PRICKLE2: variants seen among roughly 807,000 people sequenced by gnomAD.
The protein encoded by PRICKLE2 is prickle-like protein 2.
Under a neutral mutation model 81.4 loss-of-function variants are expected in PRICKLE2, and 21 were observed. That is an observed-to-expected ratio of 0.26 (90% CI 0.18 to 0.37). The LOEUF (loss-of-function observed/expected upper bound fraction) is 0.37. Ranked by LOEUF, PRICKLE2 falls within the 10% of genes least tolerant of loss-of-function variation. The probability of loss-of-function intolerance (pLI) is 1.00; values close to 1 mark genes in which losing one functional copy is unlikely to be tolerated. For synonymous variants in PRICKLE2, 456 were observed against 421.5 expected (o/e 1.08, Z -1.00); for missense variants, 940 against 1,109.0 (o/e 0.85, Z 2.16).
At chr3:64,107,853 G>T (rs1419487501) in intron 7 of PRICKLE2, among the ~76,000 whole-genome samples, 2 of 152,166 alleles carry the variant, frequency 1.3e-5, no homozygotes, top group Admixed American at 6.5e-5. Flanking sequence ...TTTCTGTGCA[G>T]TAAAGGAAAT....
At chr3:64,198,740 G>T in intron 2 of PRICKLE2, 44 bp downstream of exon 2, 1 of 1,602,418 alleles carries the variant, frequency 6.2e-7, no homozygotes. Context: ...GTAAGGCAAA[G>T]TGAAACACCC....
At chr3:64,262,346 T>G (rs1475731050) in intron 2 of PRICKLE2, among the ~76,000 whole-genome samples, 3 of 151,998 alleles carry the variant, frequency 2.0e-5, no homozygotes, top group African/African-American at 7.2e-5. Context: ...TAGCTGGAGG[T>G]GCCATTTGTT....
chr3:64,234,380 T>C (rs1054816753), intron 2 of PRICKLE2, among the ~76,000 whole-genome samples: 1 of 152,218 alleles, frequency 6.6e-6, no homozygotes, highest in Non-Finnish European at 1.5e-5. Context: ...TACCTCATAG[T>C]GGTTTTTATT....
intron 1 of PRICKLE2, chr3:64,199,954 C>G (rs2078540736): frequency 1.3e-5 from 2 of 152,174 alleles, no homozygotes; most frequent in Non-Finnish European, 2.9e-5. Flanking sequence ...CCAGATGTGC[C>G]TGAACGTTCT....
chr3:64,233,989 T>C (rs1020690095), intron 2 of PRICKLE2, among the ~76,000 whole-genome samples: 3 of 152,236 alleles, frequency 2.0e-5, no homozygotes, highest in African/African-American at 7.2e-5. Flanking sequence ...ATCCTGTAGC[T>C]TATATCAGAA....
intron 1 of PRICKLE2, among the ~76,000 whole-genome samples, chr3:64,221,420 T>TACACACACAC (rs71808412): frequency 4.2e-5 from 6 of 143,908 alleles, no homozygotes; most frequent in African/African-American, 1.5e-4. Flanking sequence ...GCTTGATTCA[T>TACACACACAC]ACACACACAC....
chr3:64,260,952 T>C (rs1239288963), intron 2 of PRICKLE2, among the ~76,000 whole-genome samples: 1 of 152,206 alleles, frequency 6.6e-6, no homozygotes, highest in Non-Finnish European at 1.5e-5. Flanking sequence ...CCAGGACAGC[T>C]GCATCTGATC....
At chr3:64,247,248 A>G (rs1463436465) in intron 2 of PRICKLE2, among the ~76,000 whole-genome samples, 1 of 151,970 alleles carries the variant, frequency 6.6e-6, no homozygotes, top group East Asian at 1.9e-4. Context: ...TGAACAGAAG[A>G]CTCCTAAAAT....
chr3:64,215,605 A>AT (rs1228189580), intron 1 of PRICKLE2, among the ~76,000 whole-genome samples: 1 of 152,156 alleles, frequency 6.6e-6, no homozygotes, highest in Admixed American at 6.5e-5. Context: ...TTTCATATTT[A>AT]TTTTTTTACA....
chr3:64,189,920 T>A (rs572927224), intron 2 of PRICKLE2, among the ~76,000 whole-genome samples: 1 of 152,148 alleles, frequency 6.6e-6, no homozygotes, highest in Non-Finnish European at 1.5e-5. Flanking sequence ...ATTAAGTGCC[T>A]CCAATTTTCC....
chr3:64,185,582 G>A (rs2078213694), intron 2 of PRICKLE2, among the ~76,000 whole-genome samples: 1 of 152,128 alleles, frequency 6.6e-6, no homozygotes, highest in African/African-American at 2.4e-5. Flanking sequence ...GGATGTTGAT[G>A]AGTTTCTACC....
chr3:64,232,049 C>T (rs2079112788), intron 2 of PRICKLE2, among the ~76,000 whole-genome samples: 1 of 152,174 alleles, frequency 6.6e-6, no homozygotes, highest in Non-Finnish European at 1.5e-5. Flanking sequence ...TTCCCTGTGC[C>T]ATCAGATTAG....
At position 64,187,818 on chromosome 3, in the gene PRICKLE2, G is replaced by C. The variant is rs117183121; in HGVS notation, c.144+10966C>G. Among the ~76,000 whole-genome samples the C allele has an allele frequency of 3.7e-4, 56 of 152,326 alleles. 1 individual carries two copies. In the East Asian group the frequency reaches 8.9e-3, roughly 24 times the overall value. Reference sequence around the variant, plus strand: ...AACTGTCAGTAGCCTGAAAGCTAACGGTAAAGCTGGACGCCTGGCACTGTG... The same window carrying C: ...AACTGTCAGTAGCCTGAAAGCTAACCGTAAAGCTGGACGCCTGGCACTGTG... On this transcript the variant is annotated intron_variant, in intron 2 of 7. Transcript: ENST00000638394.
At chr3:64,214,029 A>G (rs2078833420) in intron 1 of PRICKLE2, among the ~76,000 whole-genome samples, 1 of 152,080 alleles carries the variant, frequency 6.6e-6, no homozygotes, top group South Asian at 2.1e-4. Flanking sequence ...TATTAATAAC[A>G]TTTTCAGTTT....
At chr3:64,103,718 G>A (rs894075572) in intron 7 of PRICKLE2, among the ~76,000 whole-genome samples, 2 of 152,196 alleles carry the variant, frequency 1.3e-5, no homozygotes, top group African/African-American at 4.8e-5. Flanking sequence ...GGTGGCTCAT[G>A]CCTGTAATCC....
chr3:64,207,967 C>T (rs1400330546), intron 1 of PRICKLE2, among the ~76,000 whole-genome samples: 4 of 152,230 alleles, frequency 2.6e-5, no homozygotes, highest in African/African-American at 9.6e-5. Context: ...CTTACTCCAT[C>T]TGCTCTGTAG....
At chr3:64,148,907 A>T (rs975982061) in intron 6 of PRICKLE2, among the ~76,000 whole-genome samples, 2 of 152,206 alleles carry the variant, frequency 1.3e-5, no homozygotes, top group Non-Finnish European at 2.9e-5. Context: ...TATTCCGTTA[A>T]AGCAGTCTCA....
At chr3:64,108,879 T>C (rs571030622) in intron 7 of PRICKLE2, among the ~76,000 whole-genome samples, 52 of 152,296 alleles carry the variant, frequency 3.4e-4, no homozygotes, top group Non-Finnish European at 6.8e-4. Context: ...TGGGCTGTCC[T>C]GTGCACTTCA....
intron 2 of PRICKLE2, chr3:64,163,994 C>CTCTT (rs1248541660): frequency 1.3e-5 from 2 of 151,280 alleles, no homozygotes; most frequent in African/African-American, 4.9e-5. Flanking sequence ...TCTCAAGTAT[C>CTCTT]TCTTATTTAA....
Sources: allele counts gnomAD v4.1 joint callset (sites outside exome capture counted in the v4.1 genomes callset), GRCh38; gene constraint gnomAD v4.1.1; transcripts MANE v1.5; gene names NCBI Gene and HGNC (gene_info 2026-07-23, HGNC 2026-07-21).